Variants in SNX9 observed in about 807,000 individuals in gnomAD.
SNX9 encodes sorting nexin-9.
A neutral mutation model predicts 89.4 loss-of-function variants in SNX9; 44 were observed. That is an observed-to-expected ratio of 0.49 (90% CI 0.39 to 0.63). SNX9 has a LOEUF of 0.63. SNX9 is among the 30% of genes least tolerant of loss of function. The pLI, the probability that SNX9 is intolerant of heterozygous loss-of-function variation, is 0.00. For synonymous variants in SNX9, 236 were observed against 247.8 expected, an observed-to-expected ratio of 0.95 and a Z score of 0.45; for missense variants, 578 against 736.1, an observed-to-expected ratio of 0.79 and a Z score of 2.49.
intron 9 of SNX9, among the ~76,000 whole-genome samples, chr6:157,911,009 A>T (rs1327524388): frequency 6.6e-6 from 1 of 152,038 alleles, no homozygotes; most frequent in Non-Finnish European, 1.5e-5. Flanking sequence ...GCTCCTAGGG[A>T]GGCTGAGGCA....
At chr6:157,872,848 T>A in intron 2 of SNX9, 1 of 304,118 alleles carries the variant, frequency 3.3e-6, no homozygotes. Flanking sequence ...AAGATGAGGG[T>A]CATCTAATCA....
At chr6:157,882,877 A>G (rs1392245709) in intron 4 of SNX9, among the ~76,000 whole-genome samples, 1 of 152,236 alleles carries the variant, frequency 6.6e-6, no homozygotes, top group Non-Finnish European at 1.5e-5. Flanking sequence ...GATTTAGAAT[A>G]TTCCATAAAC....
At chr6:157,851,287 A>G (rs1179517966) in intron 1 of SNX9, among the ~76,000 whole-genome samples, 2 of 151,890 alleles carry the variant, frequency 1.3e-5, no homozygotes, top group Non-Finnish European at 1.5e-5. Context: ...ATAAATAAAT[A>G]TAAATAAACC....
intron 12 of SNX9, among the ~76,000 whole-genome samples, chr6:157,930,162 A>T (rs1239112493): frequency 6.6e-6 from 1 of 152,206 alleles, no homozygotes; most frequent in Non-Finnish European, 1.5e-5. Flanking sequence ...TTCCTCTACT[A>T]GCAGTAATAC....
In SNX9 at chr6:157,864,935, G is replaced by A. The variant is rs555695261; in HGVS notation, c.13-2612G>A. On this transcript the variant is annotated intron_variant, in intron 1 of 17. Coordinates refer to ENST00000392185, the MANE Select transcript of SNX9 (RefSeq NM_016224.5). The stretch of plus-strand genomic sequence containing the variant: ...CCCAGCTACTCGGGAGGCTGAGGCA[G>A]GAGAATTGCTTGAATCCAGGAGGTG... Among the ~76,000 whole-genome samples, 3 of 152,350 alleles carry A rather than the reference G, an allele frequency of 2.0e-5. No individual in the cohort carries two copies. The East Asian group carries it at 5.8e-4, about 29-fold the overall frequency.
chr6:157,827,688 C>T (rs778041734), intron 1 of SNX9, among the ~76,000 whole-genome samples: 5 of 147,762 alleles, frequency 3.4e-5, no homozygotes, highest in Non-Finnish European at 7.4e-5. Flanking sequence ...AATTTTTTTT[C>T]AGTGTCTGTC....
At chr6:157,865,415 A>G (rs1782240591) in intron 1 of SNX9, among the ~76,000 whole-genome samples, 1 of 151,752 alleles carries the variant, frequency 6.6e-6, no homozygotes, top group Non-Finnish European at 1.5e-5. Context: ...TGTCAGGAAA[A>G]CACCTCAGCA....
At chr6:157,854,953 T>TA (rs538405265) in intron 1 of SNX9, among the ~76,000 whole-genome samples, 2,689 of 129,264 alleles carry the variant, frequency 0.021, 44 homozygotes, top group African/African-American at 0.027. Context: ...AGGTTCATGT[T>TA]AAAAAAAAAA....
At position 157,937,171 on chromosome 6, in the gene SNX9, T is replaced by C. The variant is rs192851484; in HGVS notation, c.1444-263T>C. Among the ~76,000 whole-genome samples the C allele has an allele frequency of 1.2e-4, 18 of 152,366 alleles. No individual in the cohort carries two copies. In the East Asian group the frequency reaches 3.1e-3, roughly 26 times the overall value. Reference sequence around the variant, plus strand: ...TAGCTGAACTTCCTTCATGGTGGTATTATTTTGGGCCACGTCAAAATAACT... The same window carrying C: ...TAGCTGAACTTCCTTCATGGTGGTACTATTTTGGGCCACGTCAAAATAACT... On this transcript the variant is annotated intron_variant, in intron 14 of 17. Coordinates refer to ENST00000392185, the MANE Select transcript of SNX9 (RefSeq NM_016224.5).
At chr6:157,910,510 G>A (rs560098425) in intron 9 of SNX9, among the ~76,000 whole-genome samples, 78 of 152,276 alleles carry the variant, frequency 5.1e-4, no homozygotes, top group Non-Finnish European at 9.0e-4. Context: ...GGAAGAAGCT[G>A]CCAGGTTTTC....
At chr6:157,895,874 G>A (rs575366523) in intron 4 of SNX9, among the ~76,000 whole-genome samples, 11 of 152,288 alleles carry the variant, frequency 7.2e-5, no homozygotes, top group Admixed American at 5.2e-4. Context: ...CTTGAAGGAA[G>A]CAGATAGGTC....
At chr6:157,930,052 G>C (rs1325468345) in intron 12 of SNX9, among the ~76,000 whole-genome samples, 1 of 152,072 alleles carries the variant, frequency 6.6e-6, no homozygotes, top group Non-Finnish European at 1.5e-5. Flanking sequence ...GAAACTTGTG[G>C]CTCCATAAAG....
chr6:157,897,088 C>T (rs2115164680), intron 5 of SNX9, 90 bp downstream of exon 5: 2 of 1,257,428 alleles, frequency 1.6e-6, no homozygotes, highest in Middle Eastern at 2.9e-4. Context: ...TGTTCCCACA[C>T]TCAGCACAAC....
In SNX9 at chr6:157,867,642, A is replaced by G; in HGVS notation, c.99+9A>G. 1 of 1,604,890 alleles carries G rather than the reference A, an allele frequency of 6.2e-7. No individual in the cohort carries two copies. The highest frequency in any genetic ancestry group is 8.5e-7 in the Non-Finnish European group (1 of 1,173,396). On this transcript the variant is annotated intron_variant, in intron 2 of 17. Transcript: ENST00000392185. Reference sequence around the variant, plus strand: ...TCACAATCACAAATCCGGTAAGAGAACTGTACATTCGAGTCTGATTGTCCC... The same window carrying G: ...TCACAATCACAAATCCGGTAAGAGAGCTGTACATTCGAGTCTGATTGTCCC...
intron 10 of SNX9, among the ~76,000 whole-genome samples, chr6:157,923,586 T>C (rs970325762): frequency 1.3e-5 from 2 of 152,300 alleles, no homozygotes; most frequent in East Asian, 3.9e-4. Flanking sequence ...CTGCGTCTCA[T>C]GGACTGGAAA....
intron 1 of SNX9, among the ~76,000 whole-genome samples, chr6:157,834,149 GGTTTTT>G (rs1305753131): frequency 0.011 from 677 of 59,988 alleles, 52 homozygotes; most frequent in Middle Eastern, 0.019. Flanking sequence ...TGTCCACTGT[GGTTTTT>G]TTTTTTTTTT....
intron 9 of SNX9, among the ~76,000 whole-genome samples, chr6:157,911,170 TAGAC>T (rs1257381767): frequency 4.6e-5 from 7 of 152,138 alleles, no homozygotes; most frequent in Non-Finnish European, 1.0e-4. Flanking sequence ...ACTTAAAGGT[TAGAC>T]AGAGTTTTAG....
intron 5 of SNX9, among the ~76,000 whole-genome samples, chr6:157,897,667 G>A (rs1449287258): frequency 2.0e-5 from 3 of 151,908 alleles, no homozygotes; most frequent in East Asian, 1.9e-4. Flanking sequence ...ACCGCCCACC[G>A]CCACACCCGG....
intron 4 of SNX9, among the ~76,000 whole-genome samples, chr6:157,894,094 C>A (rs960605000): frequency 7.4e-6 from 1 of 134,872 alleles, no homozygotes; most frequent in Non-Finnish European, 1.6e-5. Flanking sequence ...TTTTTCTTTT[C>A]GCTTTTCTTT....
Sources: gnomAD v4.1 joint callset for allele counts (sites outside exome capture counted in the v4.1 genomes callset) on GRCh38, gnomAD v4.1.1 for gene constraint, MANE v1.5 for transcripts, NCBI Gene and HGNC (gene_info 2026-07-23, HGNC 2026-07-21) for gene names.